Variants in TENM2 observed in about 807,000 individuals in gnomAD.
TENM2 encodes the protein teneurin transmembrane protein 2, also known as teneurin-2.
Under a neutral mutation model 245.2 loss-of-function variants are expected in TENM2, and 52 were observed. The ratio of observed to expected loss-of-function variants is 0.21; its 90% CI spans 0.17 to 0.27. The LOEUF (loss-of-function observed/expected upper bound fraction) is 0.27. TENM2 is among the 10% of genes least tolerant of loss of function. The pLI is 1.00. For missense variants in TENM2, 3,046 were observed against 3,666.8 expected, an observed-to-expected ratio of 0.83 and a Z score of 4.37; for synonymous variants, 1,363 against 1,438.9, an observed-to-expected ratio of 0.95 and a Z score of 1.19.
chr5:168,195,211 C>A, exon 15 of TENM2: 1 of 1,608,278 alleles, frequency 6.2e-7, no homozygotes, highest in Non-Finnish European at 8.5e-7. Flanking sequence ...GTAGTAACTA[C>A]AGATGGAACT....
At chr5:167,799,043 A>G (rs1765517232) in intron 2 of TENM2, among the ~76,000 whole-genome samples, 1 of 152,138 alleles carries the variant, frequency 6.6e-6, no homozygotes, top group Non-Finnish European at 1.5e-5. Flanking sequence ...CAAAACTGTA[A>G]CATCCAAGGG....
chr5:168,229,026 T>C (rs890322353), intron 25 of TENM2, among the ~76,000 whole-genome samples: 81 of 148,078 alleles, frequency 5.5e-4, no homozygotes, highest in African/African-American at 1.8e-3. Context: ...CATAATAATA[T>C]ACATTACATT....
chr5:168,241,095 A>T (rs1292776696), intron 25 of TENM2: 1 of 145,608 alleles, frequency 6.9e-6, no homozygotes, highest in Non-Finnish European at 1.5e-5. Context: ...TTAAAAAAAT[A>T]AAAAATCCTA....
intron 2 of TENM2, among the ~76,000 whole-genome samples, chr5:167,433,965 A>G (rs530426600): frequency 3.9e-5 from 6 of 152,194 alleles, no homozygotes; most frequent in Non-Finnish European, 8.8e-5. Context: ...AATGTAACAT[A>G]TCTTTGTATT....
rs552752607 is a variant in TENM2, at chr5:167,313,909, C to A, written c.226+28846C>A. Among the ~76,000 whole-genome samples the A allele has an allele frequency of 7.7e-4, 117 of 152,140 alleles. 1 individual carries two copies. The highest frequency in any genetic ancestry group is 1.5e-3 in the Non-Finnish European group (102 of 68,036). ...AATCAATCCCATTTGGAGTAAAGAA[C>A]GTCCAGATGTCCTCAAAATAAGTGT... On this transcript the variant is annotated intron_variant, in intron 1 of 28. Coordinates refer to ENST00000518659, the Ensembl canonical transcript of TENM2.
chr5:167,177,984 C>T, the TENM2 span, among the ~76,000 whole-genome samples: 5 of 152,180 alleles, frequency 3.3e-5, no homozygotes, highest in African/African-American at 9.7e-5. Flanking sequence ...ATGGTAACAG[C>T]ATGATCATAT....
chr5:168,248,240 C>T (rs1001785142), exon 27 of TENM2: 16 of 1,613,930 alleles, frequency 9.9e-6, no homozygotes, highest in African/African-American at 1.3e-5. Context: ...GATGTGCTGG[C>T]AGGACGATGG....
chr5:167,606,872 AT>A, intron 2 of TENM2, among the ~76,000 whole-genome samples: 1 of 152,182 alleles, frequency 6.6e-6, no homozygotes, highest in Non-Finnish European at 1.5e-5. Context: ...TAAAAATATC[AT>A]TTTCACCTTA....
chr5:168,034,887 A>T (rs1787523555), intron 5 of TENM2, among the ~76,000 whole-genome samples: 1 of 152,254 alleles, frequency 6.6e-6, no homozygotes. Flanking sequence ...CTCCTCTGTG[A>T]AATGTGTTCA....
intron 2 of TENM2, among the ~76,000 whole-genome samples, chr5:167,812,562 CA>C (rs1489203882): frequency 9.2e-5 from 14 of 152,292 alleles, no homozygotes; most frequent in African/African-American, 3.1e-4. Flanking sequence ...TGTATCAAAT[CA>C]AATGTACCAG....
At chr5:167,766,227 T>C (rs1389760165) in intron 2 of TENM2, among the ~76,000 whole-genome samples, 1 of 152,050 alleles carries the variant, frequency 6.6e-6, no homozygotes, top group Non-Finnish European at 1.5e-5. Flanking sequence ...GGAAAGAGCT[T>C]TCATGGCAAA....
rs73388366 is a variant in TENM2, at chr5:167,834,584, A to G, written c.503-41402A>G. ...CCATGAAAGAAAGAAAGACAAGGCA[A>G]TCATAAGTTCAACTGCCATAAACTG... is the stretch of plus-strand genomic sequence containing the variant. On this transcript the variant is annotated intron_variant, in intron 2 of 28. Transcript: ENST00000518659. Among the ~76,000 whole-genome samples, 705 of 151,932 alleles carry G rather than the reference A, an allele frequency of 4.6e-3. 8 individuals are homozygous for G. The highest frequency in any genetic ancestry group is 0.016 in the African/African-American group (669 of 41,428).
chr5:167,880,299 G>A (rs1773774826), intron 3 of TENM2, among the ~76,000 whole-genome samples: 1 of 151,970 alleles, frequency 6.6e-6, no homozygotes, highest in South Asian at 2.1e-4. Context: ...TCCCAAAGTG[G>A]TAGGATTATA....
At chr5:167,081,621 A>T in the TENM2 span, among the ~76,000 whole-genome samples, 1 of 152,188 alleles carries the variant, frequency 6.6e-6, no homozygotes, top group East Asian at 1.9e-4. Flanking sequence ...GTAAATAGGG[A>T]TTTGCTAAGC....
At chr5:167,514,750 C>A (rs1770202661) in intron 2 of TENM2, among the ~76,000 whole-genome samples, 1 of 152,154 alleles carries the variant, frequency 6.6e-6, no homozygotes, top group Admixed American at 6.5e-5. Context: ...GTGGCTCACA[C>A]CTGTAATCCT....
At chr5:167,076,134 A>G in the TENM2 span, among the ~76,000 whole-genome samples, 1 of 152,188 alleles carries the variant, frequency 6.6e-6, no homozygotes, top group Non-Finnish European at 1.5e-5. Context: ...ATACAAAAAA[A>G]TCAACCTTTT....
the TENM2 span, among the ~76,000 whole-genome samples, chr5:167,140,585 A>G: frequency 2.0e-5 from 3 of 152,210 alleles, no homozygotes; most frequent in African/African-American, 7.2e-5. Context: ...TTTTTCCTGA[A>G]ACTGACATAA....
chr5:168,093,860 G>A (rs1015768207), intron 8 of TENM2, among the ~76,000 whole-genome samples: 3 of 152,132 alleles, frequency 2.0e-5, no homozygotes, highest in East Asian at 1.9e-4. Context: ...GCTTTGCCAC[G>A]TCATTGTTTT....
the TENM2 span, among the ~76,000 whole-genome samples, chr5:167,279,562 C>CTTCA: frequency 8.4e-6 from 1 of 119,700 alleles, no homozygotes; most frequent in African/African-American, 3.4e-5. Context: ...TCCTTCCTTC[C>CTTCA]TTCCTTCTTT....
Sources: gnomAD v4.1 joint callset for allele counts (sites outside exome capture counted in the v4.1 genomes callset) on GRCh38, gnomAD v4.1.1 for gene constraint, MANE v1.5 for transcripts, NCBI Gene and HGNC (gene_info 2026-07-23, HGNC 2026-07-21) for gene names.